IQGAP1: variants seen among roughly 807,000 people sequenced by gnomAD.
IQGAP1 encodes the protein ras GTPase-activating-like protein IQGAP1.
Under a neutral mutation model 215.6 loss-of-function variants are expected in IQGAP1, and 66 were observed. The ratio of observed to expected loss-of-function variants is 0.31; its 90% CI spans 0.25 to 0.38. IQGAP1 has a LOEUF of 0.38. IQGAP1 is among the 10% of genes least tolerant of loss of function. The pLI is 1.00. For synonymous variants in IQGAP1, 772 were observed against 728.7 expected, an observed-to-expected ratio of 1.06 and a Z score of -0.96; for missense variants, 1,712 against 1,997.1, an observed-to-expected ratio of 0.86 and a Z score of 2.72.
chr15:90,392,626 C>T (rs897392667), intron 2 of IQGAP1, among the ~76,000 whole-genome samples: 1 of 152,140 alleles, frequency 6.6e-6, no homozygotes, highest in Non-Finnish European at 1.5e-5. Flanking sequence ...CCTCCCCTCC[C>T]CCAAACACTA....
intron 2 of IQGAP1, among the ~76,000 whole-genome samples, chr15:90,422,934 A>T (rs562776698): frequency 6.6e-6 from 1 of 151,928 alleles, no homozygotes; most frequent in Non-Finnish European, 1.5e-5. Flanking sequence ...GGCTCAAGCA[A>T]TCCTCCTGCC....
At chr15:90,481,097 G>A (rs1234360897) in intron 26 of IQGAP1, among the ~76,000 whole-genome samples, 4 of 152,120 alleles carry the variant, frequency 2.6e-5, no homozygotes, top group Non-Finnish European at 5.9e-5. Flanking sequence ...TCGAGGTGCT[G>A]GAAGAGCCAC....
At chr15:90,404,198 A>G (rs1964843812) in intron 2 of IQGAP1, among the ~76,000 whole-genome samples, 1 of 152,208 alleles carries the variant, frequency 6.6e-6, no homozygotes, top group Non-Finnish European at 1.5e-5. Flanking sequence ...GGGAATATGC[A>G]TATTTAGTTC....
At chr15:90,438,738 T>G (rs552346831) in intron 5 of IQGAP1, among the ~76,000 whole-genome samples, 2 of 152,170 alleles carry the variant, frequency 1.3e-5, no homozygotes, top group South Asian at 4.2e-4. Context: ...ATCTTTTTTT[T>G]TTTTGAAACG....
Position 90,448,560 on chromosome 15 carries a change from CT to C in IQGAP1, c.914-7del. 5.1e-6 allele frequency: 8 copies of C among 1,556,266 alleles called. No homozygotes were observed. Among genetic ancestry groups the C allele is most frequent in the South Asian group, 1.2e-5 (1 of 83,518 alleles). ...ACATAGTCCTTTCACAAGCTTTTGC[CT>C]TTTTTCCTCAGCATTTTCTGCATTA... On this transcript the variant is annotated splice_polypyrimidine_tract_variant and intron_variant, in intron 9 of 37. Transcript: ENST00000268182.
At chr15:90,415,545 A>G (rs1169209688) in intron 2 of IQGAP1, among the ~76,000 whole-genome samples, 1 of 152,012 alleles carries the variant, frequency 6.6e-6, no homozygotes, top group Non-Finnish European at 1.5e-5. Context: ...TCTCTAATCC[A>G]TTTGGTGTTT....
intron 5 of IQGAP1, 70 bp from the exon 6 acceptor site, chr15:90,439,261 AT>A (rs1965414947): frequency 1.8e-6 from 2 of 1,088,882 alleles, no homozygotes; most frequent in Non-Finnish European, 2.8e-6. Context: ...CTTCATGCTG[AT>A]TTTCGCCTTT....
chr15:90,399,981 T>C (rs529632538), intron 2 of IQGAP1, among the ~76,000 whole-genome samples: 1 of 152,250 alleles, frequency 6.6e-6, no homozygotes, highest in Non-Finnish European at 1.5e-5. Flanking sequence ...CATCTGAAGC[T>C]AGCTTAATTT....
intron 9 of IQGAP1, 21 bp downstream of exon 9, chr15:90,443,499 G>A (rs1263502690): frequency 1.5e-5 from 20 of 1,292,088 alleles, no homozygotes; most frequent in Non-Finnish European, 1.9e-5. Context: ...TCCTGAATCA[G>A]GCACCTAAAG....
rs552261662 is a variant in IQGAP1, at chr15:90,478,116, C to T, written c.3329+227C>T. 3.3e-5 allele frequency among the ~76,000 whole-genome samples: 5 copies of T among 152,170 alleles called. No homozygotes were observed. The East Asian group carries it at 5.8e-4, about 18-fold the overall frequency. ...AAGCAATTCTCATGCCCCAGCCTCC[C>T]GAGTAGCTGGGATTACAGTTGCACG... is the stretch of plus-strand genomic sequence containing the variant. On this transcript the variant is annotated intron_variant, in intron 26 of 37. Coordinates refer to ENST00000268182, the MANE Select transcript of IQGAP1 (RefSeq NM_003870.4).
intron 2 of IQGAP1, among the ~76,000 whole-genome samples, chr15:90,416,445 G>A (rs1219130792): frequency 6.6e-6 from 1 of 152,144 alleles, no homozygotes; most frequent in African/African-American, 2.4e-5. Flanking sequence ...GGGTCAAATG[G>A]TATTTCTAGT....
At chr15:90,415,936 G>C (rs753844349) in intron 2 of IQGAP1, among the ~76,000 whole-genome samples, 1 of 151,998 alleles carries the variant, frequency 6.6e-6, no homozygotes, top group Non-Finnish European at 1.5e-5. Flanking sequence ...CTCTACCACA[G>C]TGACTTACCG....
At chr15:90,410,212 A>C (rs1215709927) in intron 2 of IQGAP1, among the ~76,000 whole-genome samples, 3 of 152,170 alleles carry the variant, frequency 2.0e-5, no homozygotes, top group African/African-American at 4.8e-5. Flanking sequence ...TTAGACATGA[A>C]GTCCTTGCCC....
chr15:90,413,155 T>A (rs147071360), intron 2 of IQGAP1, among the ~76,000 whole-genome samples: 4 of 152,140 alleles, frequency 2.6e-5, no homozygotes, highest in African/African-American at 7.2e-5. Flanking sequence ...TAGACAGGTA[T>A]TATGTAAATC....
chr15:90,469,693 C>G (rs970728888), intron 18 of IQGAP1, among the ~76,000 whole-genome samples: 1 of 152,084 alleles, frequency 6.6e-6, no homozygotes, highest in African/African-American at 2.4e-5. Context: ...GGGAATTTTT[C>G]ATTTTGTCCT....
chr15:90,495,627 TTTC>T (rs1262784284), intron 36 of IQGAP1, among the ~76,000 whole-genome samples: 8 of 148,734 alleles, frequency 5.4e-5, no homozygotes, highest in Admixed American at 3.3e-4. Context: ...TATATATTTT[TTTC>T]TTCTTCTTCT....
chr15:90,455,803 T>C (rs1965671605), intron 14 of IQGAP1, among the ~76,000 whole-genome samples: 1 of 152,226 alleles, frequency 6.6e-6, no homozygotes, highest in Non-Finnish European at 1.5e-5. Flanking sequence ...TTTAAGACTC[T>C]TCGTGAATCC....
intron 2 of IQGAP1, chr15:90,397,872 T>A (rs2151002054): frequency 1.0e-5 from 1 of 98,292 alleles, no homozygotes; most frequent in South Asian, 3.3e-4. Context: ...GAATTTTTTC[T>A]TTTCTTTTTT....
intron 36 of IQGAP1, chr15:90,496,726 A>T (rs1038392664): frequency 3.3e-5 from 5 of 152,244 alleles, no homozygotes; most frequent in African/African-American, 1.2e-4. Flanking sequence ...ATCTTTGGTA[A>T]TACTGAGTGT....
Sources: allele counts gnomAD v4.1 joint callset (sites outside exome capture counted in the v4.1 genomes callset), GRCh38; gene constraint gnomAD v4.1.1; transcripts MANE v1.5; gene names NCBI Gene and HGNC (gene_info 2026-07-23, HGNC 2026-07-21).